The following PSEN1 variants were observed in gnomAD, a reference collection of about 807,000 sequenced individuals.
PSEN1 encodes the protein presenilin-1.
In PSEN1, 15 loss-of-function variants were observed where a neutral mutation model predicts 53.5. That is an observed-to-expected ratio of 0.28 (90% CI 0.19 to 0.43). The LOEUF is 0.43. Ranked by LOEUF, PSEN1 falls within the 20% of genes least tolerant of loss-of-function variation. The probability of loss-of-function intolerance (pLI) is 1.00; values close to 1 mark genes in which losing one functional copy is unlikely to be tolerated. For synonymous variants in PSEN1, 208 were observed against 209.8 expected (o/e 0.99, Z 0.08); for missense variants, 387 against 571.2 (o/e 0.68, Z 3.29).
At chr14:73,157,816 T>G (rs1197328553) in intron 3 of PSEN1, among the ~76,000 whole-genome samples, 2 of 151,920 alleles carry the variant, frequency 1.3e-5, no homozygotes, top group African/African-American at 4.8e-5. Context: ...TGAAACCCCT[T>G]CTCTATTAAA....
intron 1 of PSEN1, among the ~76,000 whole-genome samples, chr14:73,139,769 A>C (rs1035784244): frequency 2.0e-5 from 3 of 152,130 alleles, no homozygotes; most frequent in Admixed American, 1.3e-4. Flanking sequence ...AGAATTCCCA[A>C]CCCTCATCAA....
At chr14:73,141,998 C>T (rs1227958331) in intron 1 of PSEN1, among the ~76,000 whole-genome samples, 11 of 149,132 alleles carry the variant, frequency 7.4e-5, no homozygotes, top group African/African-American at 2.7e-4. Flanking sequence ...ACCTGGGAGG[C>T]GGAGCTTGCA....
intron 3 of PSEN1, among the ~76,000 whole-genome samples, chr14:73,164,078 A>G (rs879878294): frequency 6.6e-6 from 1 of 152,232 alleles, no homozygotes; most frequent in Non-Finnish European, 1.5e-5. Context: ...AGAAAGAAGC[A>G]GATAGATCCA....
intron 9 of PSEN1, chr14:73,208,744 C>A: frequency 2.3e-6 from 1 of 429,696 alleles, no homozygotes; most frequent in Non-Finnish European, 4.7e-6. Context: ...GTCTGTGGAA[C>A]TGGGAGCTTG....
intron 1 of PSEN1, among the ~76,000 whole-genome samples, chr14:73,138,848 T>G (rs1896828344): frequency 6.7e-6 from 1 of 149,560 alleles, no homozygotes; most frequent in African/African-American, 2.5e-5. Context: ...GCGCCTGTAG[T>G]CCCAGCTACT....
intron 3 of PSEN1, among the ~76,000 whole-genome samples, chr14:73,166,577 G>A (rs943860817): frequency 2.0e-5 from 3 of 152,174 alleles, no homozygotes; most frequent in Non-Finnish European, 4.4e-5. Flanking sequence ...TTGTACTGCT[G>A]AACATCAATT....
intron 3 of PSEN1, among the ~76,000 whole-genome samples, chr14:73,154,386 C>T (rs1897302938): frequency 2.0e-5 from 3 of 151,846 alleles, no homozygotes; most frequent in Non-Finnish European, 4.4e-5. Flanking sequence ...TCCCTTGAGG[C>T]CAGGAGTTTG....
chr14:73,147,616 T>G (rs139071886), intron 1 of PSEN1, 179 bp from the exon 2 acceptor site: 32 of 248,574 alleles, frequency 1.3e-4, no homozygotes, highest in Non-Finnish European at 2.2e-4. Context: ...TCTCAGGCGG[T>G]TCTACTTATT....
At chr14:73,183,462 G>A (rs1240456473) in intron 5 of PSEN1, among the ~76,000 whole-genome samples, 1 of 152,090 alleles carries the variant, frequency 6.6e-6, no homozygotes, top group Non-Finnish European at 1.5e-5. Flanking sequence ...CAGTGTTTGT[G>A]TCCCTGGGTA....
intron 7 of PSEN1, among the ~76,000 whole-genome samples, chr14:73,194,498 C>T (rs1293963261): frequency 6.6e-6 from 1 of 151,538 alleles, no homozygotes; most frequent in Non-Finnish European, 1.5e-5. Context: ...TGGCCTCAAG[C>T]GATCCTCCCA....
chr14:73,186,284 C>A (rs1042836995), intron 5 of PSEN1, among the ~76,000 whole-genome samples: 1 of 152,004 alleles, frequency 6.6e-6, no homozygotes, highest in Non-Finnish European at 1.5e-5. Flanking sequence ...GGGGCTGAGG[C>A]AGGAGAATTG....
At chr14:73,194,359 C>A (rs1390084687) in intron 7 of PSEN1, among the ~76,000 whole-genome samples, 4 of 151,970 alleles carry the variant, frequency 2.6e-5, no homozygotes, top group Admixed American at 1.3e-4. Context: ...TGGGCTCAAA[C>A]AATCCTCCCA....
intron 5 of PSEN1, among the ~76,000 whole-genome samples, chr14:73,184,010 G>C (rs1326796302): frequency 1.5e-5 from 2 of 132,400 alleles, no homozygotes; most frequent in African/African-American, 3.1e-5. Context: ...GCCGGGCAGA[G>C]GCGCCCCTCA....
intron 8 of PSEN1, among the ~76,000 whole-genome samples, chr14:73,202,418 C>CCATA (rs1196615910): frequency 1.8e-4 from 5 of 27,224 alleles, no homozygotes; most frequent in African/African-American, 6.7e-4. Flanking sequence ...CTATCACATA[C>CCATA]TATATATATA....
chr14:73,154,003 C>T (rs1198294624), intron 3 of PSEN1, among the ~76,000 whole-genome samples: 2 of 151,934 alleles, frequency 1.3e-5, no homozygotes, highest in African/African-American at 4.8e-5. Context: ...CATGAACCAC[C>T]GTGCCTGCCA....
chr14:73,165,561 C>T (rs1421752369), intron 3 of PSEN1, among the ~76,000 whole-genome samples: 1 of 150,024 alleles, frequency 6.7e-6, no homozygotes, highest in East Asian at 2.0e-4. Context: ...GCCTGACCAA[C>T]ATGGATAAGA....
chr14:73,206,501 G>C, intron 9 of PSEN1, 29 bp downstream of exon 9: 1 of 1,464,870 alleles, frequency 6.8e-7, no homozygotes, highest in South Asian at 1.1e-5. Context: ...ATAATATCTT[G>C]ATTTTTCAGG....
chr14:73,154,195 A>G (rs61986880), intron 3 of PSEN1, among the ~76,000 whole-genome samples: 8,532 of 152,264 alleles, frequency 0.056, 322 homozygotes, highest in Non-Finnish European at 0.088. Context: ...AACTATGTAT[A>G]CCTGTGTGTA....
intron 3 of PSEN1, among the ~76,000 whole-genome samples, chr14:73,165,734 G>A (rs1256456767): frequency 1.4e-5 from 2 of 139,394 alleles, no homozygotes; most frequent in East Asian, 4.4e-4. Flanking sequence ...GGCAACAAGA[G>A]TGAAACTCCG....
Sources: allele counts gnomAD v4.1 joint callset (sites outside exome capture counted in the v4.1 genomes callset), GRCh38; gene constraint gnomAD v4.1.1; transcripts MANE v1.5; gene names NCBI Gene and HGNC (gene_info 2026-07-23, HGNC 2026-07-21).